Variants in EYS observed in about 807,000 individuals in gnomAD.
EYS encodes the protein protein eyes shut homolog.
In EYS, 250 loss-of-function variants were observed where a neutral mutation model predicts 282.1. The observed-to-expected ratio is 0.89, with a 90% CI of 0.80 to 0.98. EYS has a LOEUF of 0.98. Ranked by LOEUF, EYS falls within the 50% of genes least tolerant of loss-of-function variation. EYS has a pLI of 0.00. For synonymous variants in EYS, 1,355 were observed against 1,282.9 expected (o/e 1.06, Z -1.20); for missense variants, 4,016 against 3,709.0 (o/e 1.08, Z -2.15).
intron 12 of EYS, among the ~76,000 whole-genome samples, chr6:65,236,178 A>T (rs1438341386): frequency 2.0e-5 from 3 of 152,134 alleles, no homozygotes; most frequent in Admixed American, 1.3e-4. Context: ...TGAGGATCCT[A>T]ATATTACCGG....
intron 37 of EYS, among the ~76,000 whole-genome samples, chr6:63,791,945 G>C (rs1204270413): frequency 1.3e-5 from 2 of 152,070 alleles, no homozygotes; most frequent in African/African-American, 4.8e-5. Context: ...AAAAATGGGA[G>C]GAAATTTGCT....
At chr6:64,100,874 C>G (rs181807396) in intron 31 of EYS, among the ~76,000 whole-genome samples, 1 of 152,124 alleles carries the variant, frequency 6.6e-6, no homozygotes, top group Non-Finnish European at 1.5e-5. Context: ...TAGGCACTCC[C>G]CCTCCTCCAC....
At chr6:63,920,750 G>A (rs1302077116) in intron 35 of EYS, among the ~76,000 whole-genome samples, 3 of 152,198 alleles carry the variant, frequency 2.0e-5, no homozygotes, top group Non-Finnish European at 4.4e-5. Flanking sequence ...CAAACATTGG[G>A]AATGTCTAAT....
At chr6:65,557,497 G>A (rs370300958) in intron 2 of EYS, among the ~76,000 whole-genome samples, 10 of 152,198 alleles carry the variant, frequency 6.6e-5, no homozygotes, top group Non-Finnish European at 1.3e-4. Flanking sequence ...GGAGGAGAAC[G>A]CAGTGGCAAC....
intron 11 of EYS, among the ~76,000 whole-genome samples, chr6:65,310,842 A>C (rs1769137773): frequency 6.6e-6 from 1 of 152,176 alleles, no homozygotes; most frequent in South Asian, 2.1e-4. Flanking sequence ...AATAGCAGCC[A>C]CTGTCTCTCT....
rs1409339374 is a variant in EYS at position 64,593,254 on chromosome 6, G to A, written c.3740C>T (p.Thr1247Ile). The change falls in exon 25 of 43, where the codon ACT becomes ATT. Residue 1247 changes from threonine to isoleucine, a missense_variant. Thr to Ile is a moderately conservative substitution (Grantham distance 89, BLOSUM62 -1). Coordinates refer to ENST00000503581, the MANE Select transcript of EYS (RefSeq NM_001142800.2). ...GDEIRRITCL[T>I]PIFQRTDPIS... Reference sequence around the variant, plus strand: ...GGGATCTGTTCTTTGAAAGATGGGAGTTAAACAGGTAATTCTCCTTATTTC... The same window carrying A: ...GGGATCTGTTCTTTGAAAGATGGGAATTAAACAGGTAATTCTCCTTATTTC... 8 of 1,550,440 alleles carry A rather than the reference G, an allele frequency of 5.2e-6. No homozygotes were observed. The highest frequency in any genetic ancestry group is 2.4e-5 in the South Asian group (2 of 83,948).
Position 63,791,438 on chromosome 6 carries a change from C to T in EYS, c.7412-2214G>A, listed in dbSNP as rs141402301. On this transcript the variant is annotated intron_variant, in intron 37 of 42. Coordinates refer to ENST00000503581, the MANE Select transcript of EYS (RefSeq NM_001142800.2). ...AAATACAAAAACAAAATTAGCCGGG[C>T]GTGGTGGCGCATGCCTGTAGTTCCA... Among the ~76,000 whole-genome samples, 1,043 of 152,032 alleles carry T rather than the reference C, an allele frequency of 6.9e-3. 21 individuals carry two copies. Among genetic ancestry groups the T allele is most frequent in the African/African-American group, 0.024 (993 of 41,508 alleles).
At chr6:64,390,122 T>A (rs553673128) in intron 28 of EYS, among the ~76,000 whole-genome samples, 1 of 152,210 alleles carries the variant, frequency 6.6e-6, no homozygotes, top group East Asian at 1.9e-4. Context: ...CCGAGGGTCC[T>A]ACGCCCACGG....
chr6:65,179,313 T>G lies in EYS; in HGVS notation c.2023+116550A>C, dbSNP rs553014448. On this transcript the variant is annotated intron_variant, in intron 12 of 42. Transcript: ENST00000503581. The stretch of plus-strand genomic sequence containing the variant: ...AAAAGATCAACAAAATTGATAGACC[T>G]CTAGCAAGACTAATAAAGAAGAGAG... Among the ~76,000 whole-genome samples, 366 of 151,678 alleles carry G rather than the reference T, an allele frequency of 2.4e-3. 2 individuals are homozygous for G. The highest frequency in any genetic ancestry group is 0.014 in the Middle Eastern group (4 of 290).
chr6:64,478,988 T>C (rs953284491), intron 26 of EYS, among the ~76,000 whole-genome samples: 3 of 151,914 alleles, frequency 2.0e-5, no homozygotes, highest in African/African-American at 4.8e-5. Flanking sequence ...GTAATGTAAT[T>C]GTCAAGATAA....
intron 22 of EYS, among the ~76,000 whole-genome samples, chr6:64,771,038 C>T (rs1159667900): frequency 1.3e-5 from 2 of 151,714 alleles, no homozygotes; most frequent in East Asian, 1.9e-4. Context: ...CACTGATGAG[C>T]GCCAATTCCC....
chr6:64,684,208 G>A (rs1057298373), intron 22 of EYS, among the ~76,000 whole-genome samples: 2 of 152,026 alleles, frequency 1.3e-5, no homozygotes, highest in Admixed American at 6.6e-5. Flanking sequence ...AAAACAAAAA[G>A]GTAGGCTGGA....
intron 12 of EYS, among the ~76,000 whole-genome samples, chr6:65,229,787 C>G (rs1766721350): frequency 6.6e-6 from 1 of 151,962 alleles, no homozygotes; most frequent in Non-Finnish European, 1.5e-5. Context: ...AGTGTGATAT[C>G]TGGACAGTTT....
intron 28 of EYS, among the ~76,000 whole-genome samples, chr6:64,394,771 A>G (rs1773297979): frequency 4.6e-5 from 7 of 152,124 alleles, no homozygotes; most frequent in Admixed American, 6.5e-5. Flanking sequence ...AAAAGACAAA[A>G]TTGACAAATG....
At chr6:65,611,698 C>T (rs1766008500) in intron 2 of EYS, among the ~76,000 whole-genome samples, 1 of 152,038 alleles carries the variant, frequency 6.6e-6, no homozygotes, top group Non-Finnish European at 1.5e-5. Context: ...GATTTCTATA[C>T]CTTTACAGTA....
chr6:64,603,423 G>C (rs960452037), intron 24 of EYS, among the ~76,000 whole-genome samples: 1 of 151,932 alleles, frequency 6.6e-6, no homozygotes, highest in African/African-American at 2.4e-5. Flanking sequence ...ACCCCAAAGT[G>C]CCTGGAAAAC....
intron 36 of EYS, among the ~76,000 whole-genome samples, chr6:63,834,851 A>C (rs971167984): frequency 1.3e-5 from 2 of 151,946 alleles, no homozygotes; most frequent in Non-Finnish European, 2.9e-5. Flanking sequence ...TCACATATAC[A>C]CCATGGAATA....
chr6:64,194,787 G>A (rs1582409763), intron 31 of EYS, among the ~76,000 whole-genome samples: 1 of 151,906 alleles, frequency 6.6e-6, no homozygotes, highest in South Asian at 2.1e-4. Flanking sequence ...ATATCCTGAG[G>A]TAATTTTTCT....
intron 12 of EYS, among the ~76,000 whole-genome samples, chr6:65,139,977 A>G (rs114125565): frequency 0.019 from 2,950 of 152,122 alleles, 96 homozygotes; most frequent in African/African-American, 0.067. Flanking sequence ...TCATAATACT[A>G]TATCTAAAAT....
Sources: gnomAD v4.1 joint callset for allele counts (sites outside exome capture counted in the v4.1 genomes callset) on GRCh38, gnomAD v4.1.1 for gene constraint, MANE v1.5 for transcripts, NCBI Gene and HGNC (gene_info 2026-07-23, HGNC 2026-07-21) for gene names.